IL15: variants seen among roughly 807,000 people sequenced by gnomAD.
IL15 encodes the protein interleukin-15.
A neutral mutation model predicts 19.6 loss-of-function variants in IL15; 11 were observed. The observed-to-expected ratio is 0.56, with a 90% CI of 0.35 to 0.93. The LOEUF (loss-of-function observed/expected upper bound fraction) is 0.93, where lower values mean the gene tolerates loss of function less well. Among genes scored for constraint, IL15 ranks in the 40% least tolerant of loss-of-function variants. The probability of loss-of-function intolerance (pLI) is 0.01; values close to 1 mark genes in which losing one functional copy is unlikely to be tolerated. For missense variants in IL15, 197 were observed against 186.5 expected, an observed-to-expected ratio of 1.06 and a Z score of -0.33; for synonymous variants, 58 against 59.6, an observed-to-expected ratio of 0.97 and a Z score of 0.12.
intron 2 of IL15, among the ~76,000 whole-genome samples, chr4:141,664,848 T>G (rs1390245367): frequency 6.6e-6 from 1 of 152,200 alleles, no homozygotes; most frequent in Non-Finnish European, 1.5e-5. Flanking sequence ...GTTTCATTTT[T>G]TAGCCATGTG....
rs544755706 is a variant in IL15 at position 141,722,019 on chromosome 4, AT to A, written c.195+16del. ...GAAGATCTTATTCAAGTGAGTACTC[AT>A]TTTTCCATAAAATGCCTGGTATAAC... is the stretch of plus-strand genomic sequence containing the variant. On this transcript the variant is annotated intron_variant, in intron 5 of 7. Transcript: ENST00000320650. 1.5e-4 allele frequency: 236 copies of A among 1,564,256 alleles called. 9 individuals are homozygous for A. The South Asian group carries it at 2.6e-3, about 17-fold the overall frequency.
intron 1 of IL15, among the ~76,000 whole-genome samples, chr4:141,645,355 C>G (rs1560899493): frequency 6.6e-6 from 1 of 152,272 alleles, no homozygotes; most frequent in East Asian, 1.9e-4. Flanking sequence ...CCATGCCACA[C>G]ACCTGATTTG....
rs147454412 is a variant in IL15, at chr4:141,726,042, G to A, written c.196-1898G>A. 3.9e-3 allele frequency among the ~76,000 whole-genome samples: 596 copies of A among 151,998 alleles called. 10 individuals are homozygous for A. The highest frequency in any genetic ancestry group is 0.013 in the African/African-American group (558 of 41,464). ...TTATAAAACTACCGGTTCCCTTTCC[G>A]TAATAACACATTGATACTCTAATCC... On this transcript the variant is annotated intron_variant, in intron 5 of 7. Transcript: ENST00000320650.
chr4:141,689,714 C>T (rs545623414), intron 2 of IL15, among the ~76,000 whole-genome samples: 9 of 152,224 alleles, frequency 5.9e-5, no homozygotes, highest in African/African-American at 9.6e-5. Flanking sequence ...TACAGAGTGC[C>T]GATTGGTGTA....
At chr4:141,657,605 A>C (rs1456435650) in intron 2 of IL15, among the ~76,000 whole-genome samples, 1 of 152,074 alleles carries the variant, frequency 6.6e-6, no homozygotes, top group East Asian at 1.9e-4. Context: ...TTTACTTTTT[A>C]AATTTTTTTA....
At chr4:141,660,559 A>T (rs1179558128) in intron 2 of IL15, among the ~76,000 whole-genome samples, 1 of 152,238 alleles carries the variant, frequency 6.6e-6, no homozygotes, top group Non-Finnish European at 1.5e-5. Flanking sequence ...AGGCAACTAA[A>T]CACATGACTG....
At chr4:141,713,717 C>T (rs893429041) in intron 2 of IL15, among the ~76,000 whole-genome samples, 1 of 152,238 alleles carries the variant, frequency 6.6e-6, no homozygotes, top group Middle Eastern at 3.4e-3. Context: ...TCACTCATGC[C>T]TAGAATATAT....
chr4:141,661,608 G>A (rs1727791934), intron 2 of IL15, among the ~76,000 whole-genome samples: 1 of 152,120 alleles, frequency 6.6e-6, no homozygotes, highest in South Asian at 2.1e-4. Flanking sequence ...TGGAGATGCG[G>A]ACAAGTTAAC....
At chr4:141,690,919 C>G (rs564846543) in intron 2 of IL15, among the ~76,000 whole-genome samples, 1 of 152,132 alleles carries the variant, frequency 6.6e-6, no homozygotes, top group Non-Finnish European at 1.5e-5. Context: ...GCCAGGAAAG[C>G]GCTTTTCTTC....
At chr4:141,643,857 A>G (rs1287153212) in intron 1 of IL15, among the ~76,000 whole-genome samples, 1 of 151,780 alleles carries the variant, frequency 6.6e-6, no homozygotes, top group African/African-American at 2.4e-5. Context: ...TTAGCAGTCT[A>G]TTTAGCTGTT....
chr4:141,708,521 A>C (rs1021842786), intron 2 of IL15, among the ~76,000 whole-genome samples: 1 of 152,116 alleles, frequency 6.6e-6, no homozygotes, highest in Non-Finnish European at 1.5e-5. Flanking sequence ...TTCAAAACCT[A>C]TAAGGACCAG....
chr4:141,729,834 C>A lies in IL15; in HGVS notation c.241-13C>A, dbSNP rs754599922. Reference sequence around the variant, plus strand: ...AGAAAAAAGTAATTGTTCTTTATAACTTTTATTTTTAGCCCAGTTGCAAAG... The same window carrying A: ...AGAAAAAAGTAATTGTTCTTTATAAATTTTATTTTTAGCCCAGTTGCAAAG... On this transcript the variant is annotated splice_polypyrimidine_tract_variant and intron_variant, in intron 6 of 7. Coordinates refer to ENST00000320650, the MANE Select transcript of IL15 (RefSeq NM_000585.5). The A allele has an allele frequency of 2.1e-6, 3 of 1,459,058 alleles. No individual in the cohort carries two copies. Among genetic ancestry groups the A allele is most frequent in the East Asian group, 2.3e-5 (1 of 43,758 alleles). The allele number at this position is 1,459,058 out of a possible 1,614,324, so 90.4% of individuals were successfully genotyped here.
chr4:141,685,336 T>G (rs1196272593), intron 2 of IL15, among the ~76,000 whole-genome samples: 2 of 152,166 alleles, frequency 1.3e-5, no homozygotes, highest in African/African-American at 4.8e-5. Flanking sequence ...TTGAAAAGGT[T>G]GAAAAGCTCA....
chr4:141,704,451 G>A (rs1264975452), intron 2 of IL15, among the ~76,000 whole-genome samples: 1 of 151,930 alleles, frequency 6.6e-6, no homozygotes. Context: ...GTTTGCTACT[G>A]TCTTGTTAAG....
At chr4:141,687,725 A>T (rs1560919617) in intron 2 of IL15, among the ~76,000 whole-genome samples, 1 of 152,166 alleles carries the variant, frequency 6.6e-6, no homozygotes, top group South Asian at 2.1e-4. Flanking sequence ...TTTTTAAAAA[A>T]TTTTTGCAAT....
intron 2 of IL15, among the ~76,000 whole-genome samples, chr4:141,699,815 T>G (rs970614602): frequency 6.6e-6 from 1 of 152,224 alleles, no homozygotes; most frequent in Non-Finnish European, 1.5e-5. Flanking sequence ...GCCATTTACA[T>G]TCATCATTAA....
chr4:141,661,158 A>G (rs983429199), intron 2 of IL15, among the ~76,000 whole-genome samples: 8 of 152,202 alleles, frequency 5.3e-5, no homozygotes, highest in Non-Finnish European at 1.0e-4. Context: ...GTTACTGTAG[A>G]TAGGCAAAAG....
chr4:141,638,794 G>C (rs1726947357), intron 1 of IL15, among the ~76,000 whole-genome samples: 1 of 152,190 alleles, frequency 6.6e-6, no homozygotes, highest in East Asian at 1.9e-4. Flanking sequence ...CTGAAATGCT[G>C]GGTACATGTG....
chr4:141,684,955 CT>C (rs1040976485), intron 2 of IL15, among the ~76,000 whole-genome samples: 183 of 143,676 alleles, frequency 1.3e-3, no homozygotes, highest in South Asian at 4.6e-3. Flanking sequence ...GTGATTATGT[CT>C]TTTTTTTTTT....
Sources: gnomAD v4.1 joint callset for allele counts (sites outside exome capture counted in the v4.1 genomes callset) on GRCh38, gnomAD v4.1.1 for gene constraint, MANE v1.5 for transcripts, NCBI Gene and HGNC (gene_info 2026-07-23, HGNC 2026-07-21) for gene names.